Variants in CHRM3 observed in about 807,000 individuals in gnomAD.
CHRM3 encodes the protein cholinergic receptor muscarinic 3.
Under a neutral mutation model 41.8 loss-of-function variants are expected in CHRM3, and 11 were observed. That is an observed-to-expected ratio of 0.26 (90% confidence interval 0.17 to 0.44). The LOEUF is 0.44. Among genes scored for constraint, CHRM3 ranks in the 20% least tolerant of loss-of-function variants. The pLI, the probability that CHRM3 is intolerant of heterozygous loss-of-function variation, is 1.00. For synonymous variants in CHRM3, 297 were observed against 301.4 expected (o/e 0.99, Z 0.15); for missense variants, 571 against 745.4 (o/e 0.77, Z 2.72).
At chr1:239,572,705 T>C (rs1661943806) in intron 3 of CHRM3, among the ~76,000 whole-genome samples, 1 of 152,234 alleles carries the variant, frequency 6.6e-6, no homozygotes, top group African/African-American at 2.4e-5. Flanking sequence ...AATACTCTCC[T>C]AGTCAAAATA....
At chr1:239,589,545 T>G (rs1280619937) in intron 3 of CHRM3, among the ~76,000 whole-genome samples, 1 of 148,522 alleles carries the variant, frequency 6.7e-6, no homozygotes, top group African/African-American at 2.5e-5. Context: ...TTATGTAATT[T>G]CCATGCATTA....
At chr1:239,501,928 G>A (rs889522456) in intron 2 of CHRM3, among the ~76,000 whole-genome samples, 3 of 152,106 alleles carry the variant, frequency 2.0e-5, no homozygotes, top group African/African-American at 7.2e-5. Flanking sequence ...AGCAAAGGCG[G>A]TGCTAAGAGG....
chr1:239,547,700 A>G (rs1266475544), intron 3 of CHRM3, among the ~76,000 whole-genome samples: 1 of 152,196 alleles, frequency 6.6e-6, no homozygotes, highest in Non-Finnish European at 1.5e-5. Context: ...ATGATTTTAA[A>G]ATAATGTAAA....
intron 1 of CHRM3, among the ~76,000 whole-genome samples, chr1:239,418,900 T>G (rs997857896): frequency 1.3e-5 from 2 of 152,166 alleles, no homozygotes; most frequent in Admixed American, 6.5e-5. Flanking sequence ...GACCTCATTC[T>G]TTGAACAGGA....
chr1:239,790,266 A>G (rs991078176), intron 5 of CHRM3, among the ~76,000 whole-genome samples: 4 of 152,196 alleles, frequency 2.6e-5, no homozygotes, highest in African/African-American at 9.7e-5. Flanking sequence ...ATGTGAGGAC[A>G]TGAGATTTGG....
At chr1:239,885,385 G>C (rs1677981423) in intron 6 of CHRM3, among the ~76,000 whole-genome samples, 1 of 152,184 alleles carries the variant, frequency 6.6e-6, no homozygotes, top group African/African-American at 2.4e-5. Flanking sequence ...CAAGTAACCA[G>C]TTGCTGCTGC....
At chr1:239,500,479 T>TG (rs1668162056) in intron 2 of CHRM3, among the ~76,000 whole-genome samples, 1 of 68,498 alleles carries the variant, frequency 1.5e-5, no homozygotes, top group African/African-American at 5.7e-5. Context: ...GGTGGGGGGA[T>TG]GGGGGAGGGA....
chr1:239,642,408 A>G (rs1671263270), intron 4 of CHRM3, among the ~76,000 whole-genome samples: 2 of 152,286 alleles, frequency 1.3e-5, no homozygotes, highest in African/African-American at 4.8e-5. Flanking sequence ...TACACCAATC[A>G]GATGTAGATT....
intron 4 of CHRM3, among the ~76,000 whole-genome samples, 155 bp downstream of exon 4, chr1:239,632,441 T>A (rs1278525069): frequency 6.6e-6 from 1 of 152,264 alleles, no homozygotes; most frequent in Non-Finnish European, 1.5e-5. Flanking sequence ...TTTTTGTGTC[T>A]TAATAAAGCT....
At chr1:239,855,502 A>T (rs1313853984) in intron 6 of CHRM3, among the ~76,000 whole-genome samples, 1 of 152,134 alleles carries the variant, frequency 6.6e-6, no homozygotes, top group Non-Finnish European at 1.5e-5. Context: ...TTTTAATCTG[A>T]TACATAAATA....
At chr1:239,739,324 C>A (rs1308078219) in intron 5 of CHRM3, among the ~76,000 whole-genome samples, 3 of 152,184 alleles carry the variant, frequency 2.0e-5, no homozygotes, top group Non-Finnish European at 4.4e-5. Context: ...TCAGGACTTA[C>A]ACTTGTATTG....
intron 2 of CHRM3, among the ~76,000 whole-genome samples, chr1:239,518,923 T>C (rs1418819491): frequency 1.3e-5 from 2 of 152,212 alleles, no homozygotes; most frequent in Admixed American, 6.5e-5. Context: ...GTTTTATACA[T>C]ATATTTTTGT....
At chr1:239,839,048 A>G (rs1673566486) in intron 6 of CHRM3, among the ~76,000 whole-genome samples, 1 of 152,238 alleles carries the variant, frequency 6.6e-6, no homozygotes, top group South Asian at 2.1e-4. Context: ...TCAAATACAC[A>G]AAATCCAAAA....
At chr1:239,494,165 C>T (rs1177718630) in intron 2 of CHRM3, among the ~76,000 whole-genome samples, 1 of 152,088 alleles carries the variant, frequency 6.6e-6, no homozygotes, top group Non-Finnish European at 1.5e-5. Context: ...TGGGTCATGG[C>T]TGTGGAATGG....
intron 1 of CHRM3, among the ~76,000 whole-genome samples, chr1:239,429,637 T>C (rs1662664330): frequency 6.6e-6 from 1 of 152,218 alleles, no homozygotes; most frequent in Admixed American, 6.5e-5. Flanking sequence ...ATATTTTCAG[T>C]GCTTTGCTCC....
chr1:239,635,070 C>T (rs1408092546), intron 4 of CHRM3, among the ~76,000 whole-genome samples: 1 of 152,182 alleles, frequency 6.6e-6, no homozygotes, highest in African/African-American at 2.4e-5. Context: ...CAGTTATTTT[C>T]CTTTTCCTTC....
chr1:239,416,855 A>G (rs998970374), intron 1 of CHRM3, among the ~76,000 whole-genome samples: 1 of 152,224 alleles, frequency 6.6e-6, no homozygotes, highest in African/African-American at 2.4e-5. Context: ...ATAAACTACC[A>G]AGGTAACAGG....
chr1:239,790,869 A>G (rs1669288343), intron 5 of CHRM3, among the ~76,000 whole-genome samples: 1 of 152,202 alleles, frequency 6.6e-6, no homozygotes, highest in Non-Finnish European at 1.5e-5. Flanking sequence ...ATGGCAGGAT[A>G]AAGTCTCATC....
Position 239,593,775 on chromosome 1 carries a change from G to A in CHRM3, c.-312-38449G>A, listed in dbSNP as rs545954097. ...GACATATTACCACATCTGATTACAA[G>A]CTTGTTCAAGAGCAATTCTTAGCAC... On this transcript the variant is annotated intron_variant, in intron 3 of 6. Coordinates refer to ENST00000676153, the MANE Select transcript of CHRM3 (RefSeq NM_001375978.1). Among the ~76,000 whole-genome samples the A allele has an allele frequency of 3.1e-4, 47 of 152,262 alleles. No homozygotes were observed. In the South Asian group the frequency reaches 9.3e-3, roughly 30 times the overall value.
Sources: gnomAD v4.1 joint callset for allele counts (sites outside exome capture counted in the v4.1 genomes callset) on GRCh38, gnomAD v4.1.1 for gene constraint, MANE v1.5 for transcripts, NCBI Gene and HGNC (gene_info 2026-07-23, HGNC 2026-07-21) for gene names.